Variants in TOGARAM2 observed in about 807,000 individuals in gnomAD.
TOGARAM2 encodes the protein TOG array regulator of axonemal microtubules 2, also known as TOG array regulator of axonemal microtubules protein 2.
A neutral mutation model predicts 93.3 loss-of-function variants in TOGARAM2; 85 were observed. The ratio of observed to expected loss-of-function variants is 0.91; its 90% CI spans 0.76 to 1.09. TOGARAM2 has a LOEUF of 1.09. Among genes scored for constraint, TOGARAM2 ranks in the 50% least tolerant of loss-of-function variants. The probability of loss-of-function intolerance (pLI) is 0.00; values close to 1 mark genes in which losing one functional copy is unlikely to be tolerated. For synonymous variants in TOGARAM2, 593 were observed against 552.8 expected, an observed-to-expected ratio of 1.07 and a Z score of -1.02; for missense variants, 1,277 against 1,334.5, an observed-to-expected ratio of 0.96 and a Z score of 0.67.
At chr2:29,015,475 T>G (rs1664508286) in intron 8 of TOGARAM2, among the ~76,000 whole-genome samples, 1 of 152,244 alleles carries the variant, frequency 6.6e-6, no homozygotes, top group Non-Finnish European at 1.5e-5. Flanking sequence ...AATATTCTCC[T>G]TGAAACAGGA....
At position 29,017,407 on chromosome 2, in the gene TOGARAM2, T is replaced by A. The variant is rs572324239; in HGVS notation, c.1195+103T>A. ...TTTTCTTTTTTAAAATTTTTATTAGTATTTATGTATTTATTTAGAGATGGA... is the reference window on the plus strand; with the variant it reads ...TTTTCTTTTTTAAAATTTTTATTAGAATTTATGTATTTATTTAGAGATGGA... On this transcript the variant is annotated intron_variant, in intron 9 of 19. Coordinates refer to ENST00000379558, the MANE Select transcript of TOGARAM2 (RefSeq NM_199280.4). 46 of 1,118,652 alleles carry A rather than the reference T, an allele frequency of 4.1e-5. 1 individual carries two copies. In the South Asian group the frequency reaches 9.2e-4, roughly 22 times the overall value. The allele number at this position is 1,118,652 out of a possible 1,614,324, so 69.3% of individuals were successfully genotyped here.
At chr2:29,017,653 C>A in intron 9 of TOGARAM2, 139 bp from the exon 10 acceptor site, 2 of 811,668 alleles carry the variant, frequency 2.5e-6, no homozygotes, top group African/African-American at 1.8e-5. Flanking sequence ...TCAAGCCATC[C>A]TCCTACCTCG....
intron 14 of TOGARAM2, among the ~76,000 whole-genome samples, chr2:29,030,467 A>G (rs1432691576): frequency 6.6e-6 from 1 of 152,124 alleles, no homozygotes. Context: ...CAACGAAAAA[A>G]AAAAGGACGT....
intron 10 of TOGARAM2, 84 bp from the exon 11 acceptor site, chr2:29,022,074 A>C: frequency 6.3e-7 from 1 of 1,576,604 alleles, no homozygotes; most frequent in Non-Finnish European, 8.7e-7. Flanking sequence ...ACGGCCTCCC[A>C]TGGTGAGCGG....
At chr2:28,982,092 T>G (rs1672223623) in intron 1 of TOGARAM2, among the ~76,000 whole-genome samples, 1 of 152,200 alleles carries the variant, frequency 6.6e-6, no homozygotes, top group Admixed American at 6.5e-5. Context: ...GTTTCTCATC[T>G]GTGAAGAAGG....
intron 2 of TOGARAM2, among the ~76,000 whole-genome samples, chr2:28,995,853 C>T (rs531763024): frequency 1.3e-5 from 2 of 152,334 alleles, no homozygotes; most frequent in South Asian, 2.1e-4. Context: ...GTGGTGGCTT[C>T]TCCAGGTGGT....
chr2:29,006,338 G>GTA (rs1302648781), intron 6 of TOGARAM2, among the ~76,000 whole-genome samples: 2 of 142,960 alleles, frequency 1.4e-5, no homozygotes, highest in African/African-American at 5.5e-5. Flanking sequence ...GCATGTGTGT[G>GTA]TATGTGTGTA....
chr2:29,036,746 T>C lies in TOGARAM2; in HGVS notation c.2624T>C (p.Val875Ala), dbSNP rs145389605. ...GCCGTGGCTGTGCTGGATGCGATGG[T>C]TGAGAGCCTGGGTGAGTGTCCCACG... ...AAAVAVLDAM[V>A]ESLDNLCLLP... The change falls in exon 18 of 20, where the codon GTT becomes GCT. Residue 875 changes from valine to alanine, a missense_variant. Transcript: ENST00000379558. 1 of 1,612,786 alleles carries C rather than the reference T, an allele frequency of 6.2e-7. No individual in the cohort carries two copies. Among genetic ancestry groups the C allele is most frequent in the Non-Finnish European group, 8.5e-7 (1 of 1,179,460 alleles).
rs7602106 is a variant in TOGARAM2 at position 29,003,379 on chromosome 2, G to A, written c.640-113G>A. ...CAGTCAGGCTTCTGGGGGTCCCAGG[G>A]TGGTGTGGCTGAAAAGAGACAGCAG... is the stretch of plus-strand genomic sequence containing the variant. On this transcript the variant is annotated intron_variant, in intron 5 of 19. Transcript: ENST00000379558. The A allele has an allele frequency of 0.014, 12,448 of 864,118 alleles. 623 individuals carry two copies. In the East Asian group the frequency reaches 0.19, roughly 13 times the overall value. The allele number at this position is 864,118 out of a possible 1,614,324, so 53.5% of individuals were successfully genotyped here. A position where few individuals can be genotyped will look rare whatever the true frequency, so the allele number is the denominator to read the frequency against.
chr2:28,975,624 CATT>C (rs1190074944), intron 1 of TOGARAM2, among the ~76,000 whole-genome samples: 2 of 152,208 alleles, frequency 1.3e-5, no homozygotes, highest in Non-Finnish European at 1.5e-5. Flanking sequence ...GGCGCTGCAT[CATT>C]GATTGCCTCT....
At chr2:28,969,152 C>T (rs1671910635) in intron 1 of TOGARAM2, among the ~76,000 whole-genome samples, 2 of 152,182 alleles carry the variant, frequency 1.3e-5, no homozygotes, top group Admixed American at 6.5e-5. Context: ...ATAGGCCGTG[C>T]AGAGAGGTTT....
chr2:29,011,158 T>C (rs944178257), intron 6 of TOGARAM2, among the ~76,000 whole-genome samples: 1 of 152,160 alleles, frequency 6.6e-6, no homozygotes, highest in African/African-American at 2.4e-5. Flanking sequence ...GGGTGGGGGC[T>C]TCCTTTAAGT....
chr2:28,994,441 A>G (rs774584107), intron 1 of TOGARAM2, among the ~76,000 whole-genome samples: 3 of 152,136 alleles, frequency 2.0e-5, no homozygotes, highest in Non-Finnish European at 4.4e-5. Context: ...GAAAAAAATC[A>G]TCTTTCCCCG....
At chr2:28,965,132 CACA>C (rs746543444) in intron 1 of TOGARAM2, among the ~76,000 whole-genome samples, 1 of 152,118 alleles carries the variant, frequency 6.6e-6, no homozygotes, top group Non-Finnish European at 1.5e-5. Context: ...CCTATTTCTC[CACA>C]ACCTCACCAG....
chr2:29,052,122 TTA>T lies in TOGARAM2; in HGVS notation c.*31_*32del, dbSNP rs1667110791. 6.7e-7 allele frequency: 1 copy of T among 1,491,294 alleles called. No homozygotes were observed. Among genetic ancestry groups the T allele is most frequent in the African/African-American group, 1.4e-5 (1 of 71,268 alleles). The allele number at this position is 1,491,294 out of a possible 1,614,324, so 92.4% of individuals were successfully genotyped here. On this transcript the variant is annotated 3_prime_UTR_variant, in exon 20 of 20. Coordinates refer to ENST00000379558, the MANE Select transcript of TOGARAM2 (RefSeq NM_199280.4). The stretch of plus-strand genomic sequence containing the variant: ...TGGATCTGAAATGGGCAATTATTAT[TTA>T]TCTTATTTTTTTGATGGACTATTCT...
intron 4 of TOGARAM2, among the ~76,000 whole-genome samples, chr2:29,000,720 C>G (rs1486077488): frequency 6.6e-6 from 1 of 152,130 alleles, no homozygotes; most frequent in Non-Finnish European, 1.5e-5. Context: ...ACTGCTCCAC[C>G]TGCTGAGCCT....
intron 1 of TOGARAM2, among the ~76,000 whole-genome samples, chr2:28,967,692 G>A (rs955403619): frequency 3.3e-5 from 5 of 151,486 alleles, no homozygotes; most frequent in African/African-American, 1.2e-4. Flanking sequence ...CGCTTACTCC[G>A]TGACCTTTGG....
Position 28,994,729 on chromosome 2 carries a change from C to T in TOGARAM2, c.-106C>T, listed in dbSNP as rs776131743. 102 of 1,172,456 alleles carry T rather than the reference C, an allele frequency of 8.7e-5. No homozygotes were observed. Among genetic ancestry groups the T allele is most frequent in the African/African-American group, 5.2e-4 (34 of 65,366 alleles). The allele number at this position is 1,172,456 out of a possible 1,614,324, so 72.6% of individuals were successfully genotyped here. On this transcript the variant is annotated 5_prime_UTR_variant, in exon 2 of 20. Coordinates refer to ENST00000379558, the MANE Select transcript of TOGARAM2 (RefSeq NM_199280.4). ...CCTTTCTCCTCTCACCCTTAGGTCCCGGATGTTACAGGTCAGAGCCCTCCA... is the reference window on the plus strand; with the variant it reads ...CCTTTCTCCTCTCACCCTTAGGTCCTGGATGTTACAGGTCAGAGCCCTCCA...
At position 29,052,163 on chromosome 2, in the gene TOGARAM2, C is replaced by T. The variant is rs1254613110; in HGVS notation, c.*70C>T. On this transcript the variant is annotated 3_prime_UTR_variant, in exon 20 of 20. Coordinates refer to ENST00000379558, the MANE Select transcript of TOGARAM2 (RefSeq NM_199280.4). ...ATGGACTATTCTCCTGGTTACTTTCCCCCTTAGAGTTCCAGATGTACATGG... is the reference window on the plus strand; with the variant it reads ...ATGGACTATTCTCCTGGTTACTTTCTCCCTTAGAGTTCCAGATGTACATGG... 1 of 1,252,142 alleles carries T rather than the reference C, an allele frequency of 8.0e-7. No homozygotes were observed. Among genetic ancestry groups the T allele is most frequent in the African/African-American group, 1.5e-5 (1 of 65,566 alleles). The allele number at this position is 1,252,142 out of a possible 1,614,324, so 77.6% of individuals were successfully genotyped here. A position where few individuals can be genotyped will look rare whatever the true frequency, so the allele number is the denominator to read the frequency against.
Sources: gnomAD v4.1 joint callset for allele counts (sites outside exome capture counted in the v4.1 genomes callset) on GRCh38, gnomAD v4.1.1 for gene constraint, MANE v1.5 for transcripts, NCBI Gene and HGNC (gene_info 2026-07-23, HGNC 2026-07-21) for gene names.